TRRAP: variants seen among roughly 807,000 people sequenced by gnomAD.
The protein encoded by TRRAP is transformation/transcription domain-associated protein.
A neutral mutation model predicts 438.8 loss-of-function variants in TRRAP; 41 were observed. The observed-to-expected ratio is 0.09, with a 90% CI of 0.07 to 0.12. The LOEUF (loss-of-function observed/expected upper bound fraction) is 0.12, where lower values mean the gene tolerates loss of function less well. Among genes scored for constraint, TRRAP ranks in the 10% least tolerant of loss-of-function variants. The pLI, the probability that TRRAP is intolerant of heterozygous loss-of-function variation, is 1.00. For synonymous variants in TRRAP, 1,994 were observed against 1,962.9 expected, an observed-to-expected ratio of 1.02 and a Z score of -0.42; for missense variants, 3,122 against 5,055.1, an observed-to-expected ratio of 0.62 and a Z score of 11.60.
intron 50 of TRRAP, 147 bp from the exon 51 acceptor site, chr7:98,967,338 C>A: frequency 1.6e-6 from 2 of 1,220,182 alleles, no homozygotes; most frequent in Non-Finnish European, 2.3e-6. Flanking sequence ...TGTTGTAATG[C>A]TGCATGAGCC....
Position 98,976,518 on chromosome 7 carries a change from C to A in TRRAP, c.7995C>A (p.Ser2665Arg). The A allele has an allele frequency of 6.2e-7, 1 of 1,612,650 alleles. No individual in the cohort carries two copies. The change falls in exon 55 of 73, where the codon AGC becomes AGA. Residue 2665 changes from serine (S) to arginine (R), a missense_variant. Coordinates refer to ENST00000456197, the MANE Select transcript of TRRAP (RefSeq NM_001375524.1). The surrounding 1 kb of genome is among the most constrained non-coding windows in gnomAD (Gnocchi z 4.6). Reference protein sequence around the residue: ...LAGEISPFLCSGSHQVQRDCQ... With the variant: ...LAGEISPFLCRGSHQVQRDCQ... ...GTGAGATAAGTCCATTTCTGTGCAG[C>A]GGCAGTCACCAGGTGCAGCGGGACT...
chr7:98,928,818 G>T (rs1191258374), intron 23 of TRRAP, among the ~76,000 whole-genome samples: 1 of 151,958 alleles, frequency 6.6e-6, no homozygotes, highest in Non-Finnish European at 1.5e-5. Context: ...TTGTTGCCCA[G>T]GCTGGAGTGC....
At chr7:98,922,271 T>G (rs543311688) in intron 21 of TRRAP, among the ~76,000 whole-genome samples, 193 of 152,338 alleles carry the variant, frequency 1.3e-3, no homozygotes, top group Admixed American at 2.4e-3. Context: ...CATGCCTGTC[T>G]GTCTTCGCAG....
At chr7:98,936,359 A>G (rs1457783296) in intron 28 of TRRAP, among the ~76,000 whole-genome samples, 5 of 152,170 alleles carry the variant, frequency 3.3e-5, no homozygotes, top group African/African-American at 9.7e-5. Context: ...GCCAAAGCCA[A>G]CAGGGGGACC....
At chr7:98,984,653 C>A (rs1198800570) in intron 61 of TRRAP, among the ~76,000 whole-genome samples, 1 of 152,144 alleles carries the variant, frequency 6.6e-6, no homozygotes, top group Non-Finnish European at 1.5e-5. Context: ...TAGATTTTGA[C>A]TATTTTCAGA....
intron 18 of TRRAP, among the ~76,000 whole-genome samples, chr7:98,913,434 G>A (rs1789374426): frequency 6.6e-6 from 1 of 152,006 alleles, no homozygotes; most frequent in Non-Finnish European, 1.5e-5. Context: ...GATTATAGGT[G>A]CATGCCACCA....
intron 10 of TRRAP, 110 bp downstream of exon 10, chr7:98,899,877 A>C (rs2116346149): frequency 8.6e-7 from 1 of 1,161,750 alleles, no homozygotes; most frequent in Middle Eastern, 2.0e-4. Context: ...ATTTTGGTAA[A>C]ATTATATGCA....
chr7:98,947,748 A>G (rs782651581), intron 33 of TRRAP, among the ~76,000 whole-genome samples: 14 of 152,148 alleles, frequency 9.2e-5, no homozygotes, highest in Non-Finnish European at 1.9e-4. Context: ...GAGCTACCAC[A>G]CTGGCCACTG....
chr7:98,912,000 CAT>C lies in TRRAP; in HGVS notation c.2008-21_2008-20del, dbSNP rs782104124. 4.5e-5 allele frequency: 72 copies of C among 1,597,580 alleles called. No homozygotes were observed. Among genetic ancestry groups the C allele is most frequent in the Middle Eastern group, 1.7e-4 (1 of 6,020 alleles). On this transcript the variant is annotated intron_variant, in intron 17 of 72. Coordinates refer to ENST00000456197, the MANE Select transcript of TRRAP (RefSeq NM_001375524.1). ...CTTTGGGGAAGGGATTAATTTTTCA[CAT>C]GTGTTTCTTGTATTGACAGATTGTT...
chr7:98,957,658 C>G (rs1327870471), intron 43 of TRRAP, among the ~76,000 whole-genome samples: 2 of 152,188 alleles, frequency 1.3e-5, no homozygotes, highest in African/African-American at 2.4e-5. Flanking sequence ...TGGCCTTTTC[C>G]CTCCACTGGG....
chr7:98,882,820 G>A (rs186969074), intron 3 of TRRAP, among the ~76,000 whole-genome samples: 15 of 151,366 alleles, frequency 9.9e-5, no homozygotes, highest in African/African-American at 3.4e-4. Context: ...CACCACACCC[G>A]GCTGATTTTT....
intron 3 of TRRAP, among the ~76,000 whole-genome samples, chr7:98,883,099 A>C (rs2299294): frequency 0.93 from 141,438 of 152,360 alleles, 65,797 homozygotes; most frequent in African/African-American, 0.98. Flanking sequence ...AACTTTCTCT[A>C]TTGTGGACCT....
intron 56 of TRRAP, among the ~76,000 whole-genome samples, chr7:98,977,489 A>G (rs1283420224): frequency 6.6e-6 from 1 of 152,192 alleles, no homozygotes; most frequent in Non-Finnish European, 1.5e-5. Context: ...GTTTTAAAGC[A>G]TTTCAGTCCC....
Position 98,962,304 on chromosome 7 carries a change from A to G in TRRAP, c.6706A>G (p.Thr2236Ala). 1 of 1,614,152 alleles carries G rather than the reference A, an allele frequency of 6.2e-7. No individual in the cohort carries two copies. Among genetic ancestry groups the G allele is most frequent in the Non-Finnish European group, 8.5e-7 (1 of 1,180,026 alleles). ...CCTGGGTCCCTGCCCTGTTGTAGGT[A>G]CTTCCAGTGTGGCCTCCAAATATGA... ...LMSIFPTEPS[T>A]SSVASKYEEL... is the part of the protein sequence containing the mutation. Residue 2236 changes from threonine to alanine, a missense_variant and splice_region_variant, in exon 47 of 73, where the codon ACT (threonine) becomes GCT (alanine). Physicochemically the swap from Thr to Ala is moderately conservative, Grantham distance 58. This residue lies in a region of TRRAP where 992 missense variants were observed against 1,281.2 expected (regional missense o/e 0.77). Transcript: ENST00000456197.
rs957045044 is a variant in TRRAP at position 98,953,691 on chromosome 7, G to C, written c.5730+258G>C. Among the ~76,000 whole-genome samples, 5 of 152,332 alleles carry C rather than the reference G, an allele frequency of 3.3e-5. No individual in the cohort carries two copies. The East Asian group carries it at 9.7e-4, about 29-fold the overall frequency. On this transcript the variant is annotated intron_variant, in intron 40 of 72. Coordinates refer to ENST00000456197, the MANE Select transcript of TRRAP (RefSeq NM_001375524.1). ...ATTGAATGGTGCGGAGTTTCTGCCT[G>C]GGAAGATGCAAACATTCCGGAGATG...
At position 99,011,846 on chromosome 7, in the gene TRRAP, A is replaced by G. The variant is rs1332031364; in HGVS notation, c.11338-225A>G. ...TTTGTCATCTAGGTCCGCGCTGCCC[A>G]ACACTGAGGCCTTCTGGCTGCTGCT... On this transcript the variant is annotated intron_variant, in intron 72 of 72. Coordinates refer to ENST00000456197, the MANE Select transcript of TRRAP (RefSeq NM_001375524.1). The surrounding 1 kb of genome is among the most constrained non-coding windows in gnomAD (Gnocchi z 7.1). Among the ~76,000 whole-genome samples the G allele has an allele frequency of 6.6e-6, 1 of 152,234 alleles. No individual in the cohort carries two copies. The highest frequency in any genetic ancestry group is 2.4e-5 in the African/African-American group (1 of 41,468).
chr7:98,935,721 A>T, intron 28 of TRRAP, 46 bp downstream of exon 28: 1 of 1,482,806 alleles, frequency 6.7e-7, no homozygotes, highest in South Asian at 1.3e-5. Context: ...AAGGAGACTG[A>T]CCACAGGAGG....
chr7:98,915,604 G>T, intron 18 of TRRAP, 119 bp from the exon 19 acceptor site: 1 of 1,277,658 alleles, frequency 7.8e-7, no homozygotes, highest in Non-Finnish European at 1.1e-6. Flanking sequence ...TTTCCCTTTG[G>T]AGTAAACACA....
intron 28 of TRRAP, among the ~76,000 whole-genome samples, chr7:98,936,839 A>G (rs561849674): frequency 5.3e-4 from 81 of 152,256 alleles, no homozygotes; most frequent in Non-Finnish European, 9.7e-4. Context: ...CAACATGTGG[A>G]TGGAAGACCA....
Sources: gnomAD v4.1 joint callset for allele counts (sites outside exome capture counted in the v4.1 genomes callset) on GRCh38, gnomAD v4.1.1 for gene constraint, gnomAD v4.1.1 regional missense constraint, Gnocchi (gnomAD v3.1) non-coding constraint, MANE v1.5 for transcripts, NCBI Gene and HGNC (gene_info 2026-07-23, HGNC 2026-07-21) for gene names.